The following ZBTB16 variants were observed in gnomAD, a reference collection of about 807,000 sequenced individuals.
The protein encoded by ZBTB16 is zinc finger and BTB domain-containing protein 16.
A neutral mutation model predicts 56.8 loss-of-function variants in ZBTB16; 8 were observed. The ratio of observed to expected loss-of-function variants is 0.14; its 90% CI spans 0.08 to 0.25. The LOEUF (loss-of-function observed/expected upper bound fraction) is 0.25. ZBTB16 is among the 10% of genes least tolerant of loss of function. ZBTB16 has a pLI of 1.00. For missense variants in ZBTB16, 625 were observed against 903.0 expected (o/e 0.69, Z 3.95); for synonymous variants, 363 against 368.5 (o/e 0.98, Z 0.17).
intron 4 of ZBTB16, among the ~76,000 whole-genome samples, chr11:114,190,478 C>A (rs1184362449): frequency 6.6e-6 from 1 of 152,114 alleles, no homozygotes; most frequent in African/African-American, 2.4e-5. Context: ...TTGAAGATCT[C>A]ATGGAATTTA....
intron 2 of ZBTB16, among the ~76,000 whole-genome samples, chr11:114,080,311 C>G (rs1272237527): frequency 6.6e-6 from 1 of 152,148 alleles, no homozygotes; most frequent in African/African-American, 2.4e-5. Context: ...CTTTTCCTCT[C>G]CATTGAACCA....
At chr11:114,123,037 C>T (rs543203109) in intron 2 of ZBTB16, among the ~76,000 whole-genome samples, 1 of 152,240 alleles carries the variant, frequency 6.6e-6, no homozygotes, top group East Asian at 1.9e-4. Flanking sequence ...TTGATGGCCT[C>T]CTTCTCGCCG....
At chr11:114,089,169 G>A (rs959831918) in intron 2 of ZBTB16, among the ~76,000 whole-genome samples, 1 of 152,174 alleles carries the variant, frequency 6.6e-6, no homozygotes, top group African/African-American at 2.4e-5. Context: ...TGCGGGGAGC[G>A]TTGCTGGTTC....
At chr11:114,065,984 C>T (rs187791068) in intron 2 of ZBTB16, among the ~76,000 whole-genome samples, 2 of 152,138 alleles carry the variant, frequency 1.3e-5, no homozygotes, top group East Asian at 3.9e-4. Context: ...TCATAAACCA[C>T]GTGCCCATCA....
chr11:114,102,356 C>G (rs1027414424), intron 2 of ZBTB16, among the ~76,000 whole-genome samples: 1 of 152,164 alleles, frequency 6.6e-6, no homozygotes, highest in Non-Finnish European at 1.5e-5. Flanking sequence ...CTATTCCTAA[C>G]ATGCTCTTGT....
At chr11:114,184,607 A>C (rs1443146252) in intron 3 of ZBTB16, among the ~76,000 whole-genome samples, 2 of 152,092 alleles carry the variant, frequency 1.3e-5, no homozygotes, top group African/African-American at 4.8e-5. Flanking sequence ...TACTATGTCA[A>C]CCACTGTGTG....
intron 2 of ZBTB16, among the ~76,000 whole-genome samples, chr11:114,148,450 T>TCC (rs1942191085): frequency 4.7e-5 from 3 of 64,086 alleles, no homozygotes; most frequent in African/African-American, 9.7e-5. Flanking sequence ...TCTCTCTCTG[T>TCC]CTGTCTGTCT....
intron 3 of ZBTB16, among the ~76,000 whole-genome samples, chr11:114,168,788 GCCCAAGGGT>G (rs995526418): frequency 3.3e-5 from 5 of 152,220 alleles, no homozygotes; most frequent in Non-Finnish European, 7.3e-5. Flanking sequence ...AAGGCCCTGT[GCCCAAGGGT>G]CCTGGGGGTG....
chr11:114,111,775 G>A (rs1313998902), intron 2 of ZBTB16, among the ~76,000 whole-genome samples: 4 of 152,190 alleles, frequency 2.6e-5, no homozygotes. Flanking sequence ...CTATTGGTTT[G>A]TTGTGGGTGG....
At chr11:114,086,974 T>C (rs1340820056) in intron 2 of ZBTB16, among the ~76,000 whole-genome samples, 1 of 152,130 alleles carries the variant, frequency 6.6e-6, no homozygotes, top group African/African-American at 2.4e-5. Flanking sequence ...CTTCTCCCCC[T>C]CCTCCTCTGG....
At chr11:114,241,696 G>A (rs59559450) in intron 4 of ZBTB16, among the ~76,000 whole-genome samples, 5,466 of 152,268 alleles carry the variant, frequency 0.036, 320 homozygotes, top group African/African-American at 0.12. Flanking sequence ...TCTAAGGGAT[G>A]AGGATAACAG....
chr11:114,120,320 G>T (rs1941306330), intron 2 of ZBTB16, among the ~76,000 whole-genome samples: 1 of 152,176 alleles, frequency 6.6e-6, no homozygotes, highest in African/African-American at 2.4e-5. Context: ...GGGGACATGG[G>T]GCAGGGCAGC....
chr11:114,205,833 G>GC (rs1943857030), intron 4 of ZBTB16, among the ~76,000 whole-genome samples: 1 of 150,464 alleles, frequency 6.6e-6, no homozygotes, highest in Admixed American at 6.6e-5. Context: ...TCTGAAAGCT[G>GC]CCCCTTGGGC....
Position 114,173,393 on chromosome 11 carries a change from T to C in ZBTB16, c.1367-13559T>C, listed in dbSNP as rs554115881. Among the ~76,000 whole-genome samples the C allele has an allele frequency of 2.4e-4, 37 of 152,088 alleles. No homozygotes were observed. The East Asian group carries it at 5.2e-3, about 21-fold the overall frequency. On this transcript the variant is annotated intron_variant, in intron 3 of 6. Transcript: ENST00000335953. Reference sequence around the variant, plus strand: ...AGTCTCTGGAGCTCCGTGTCTGAGATGGGGATGGTGGGTGTTGTGACGGGT... The same window carrying C: ...AGTCTCTGGAGCTCCGTGTCTGAGACGGGGATGGTGGGTGTTGTGACGGGT...
intron 2 of ZBTB16, among the ~76,000 whole-genome samples, chr11:114,071,596 C>T (rs76037045): frequency 0.016 from 2,481 of 152,268 alleles, 25 homozygotes; most frequent in Middle Eastern, 0.037. Context: ...GAAACTTTTC[C>T]AATCACTTTA....
rs1304492822 is a variant in ZBTB16 at position 114,252,974 on chromosome 11, G to T, written c.*2419G>T. Among the ~76,000 whole-genome samples, 1 of 152,206 alleles carries T rather than the reference G, an allele frequency of 6.6e-6. No individual in the cohort carries two copies. The highest frequency in any genetic ancestry group is 2.4e-5 in the African/African-American group (1 of 41,438). The stretch of plus-strand genomic sequence containing the variant: ...CGACTTAGTGTTTTGGAAAGGAAAA[G>T]AAGTTAAACTTGAAATACGTGACTA... On this transcript the variant is annotated 3_prime_UTR_variant, in exon 7 of 7. Transcript: ENST00000335953.
At chr11:114,076,668 C>T (rs1939579789) in intron 2 of ZBTB16, among the ~76,000 whole-genome samples, 1 of 123,924 alleles carries the variant, frequency 8.1e-6, no homozygotes, top group African/African-American at 3.0e-5. Context: ...AAAGATGGTA[C>T]CTAAAAACAA....
chr11:114,132,478 G>A (rs1302819860), intron 2 of ZBTB16, among the ~76,000 whole-genome samples: 2 of 152,168 alleles, frequency 1.3e-5, no homozygotes, highest in Admixed American at 6.5e-5. Context: ...CCAGAGGCCT[G>A]GGGGTAGAGT....
chr11:114,082,963 A>T (rs1412865993), intron 2 of ZBTB16, among the ~76,000 whole-genome samples: 1 of 152,184 alleles, frequency 6.6e-6, no homozygotes, highest in African/African-American at 2.4e-5. Flanking sequence ...CTGCAAACCG[A>T]CAGTGGCATG....
Sources: allele counts gnomAD v4.1 joint callset (sites outside exome capture counted in the v4.1 genomes callset), GRCh38; gene constraint gnomAD v4.1.1; transcripts MANE v1.5; gene names NCBI Gene and HGNC (gene_info 2026-07-23, HGNC 2026-07-21).